The following CCSER1 variants were observed in gnomAD, a reference collection of about 807,000 sequenced individuals.
CCSER1 encodes serine-rich coiled-coil domain-containing protein 1.
A neutral mutation model predicts 82.0 loss-of-function variants in CCSER1; 41 were observed. That is an observed-to-expected ratio of 0.50 (90% CI 0.39 to 0.65). CCSER1 has a LOEUF of 0.65. CCSER1 is among the 30% of genes least tolerant of loss of function. The probability of loss-of-function intolerance (pLI) is 0.00; values close to 1 mark genes in which losing one functional copy is unlikely to be tolerated. For missense variants in CCSER1, 1,119 were observed against 1,064.2 expected, an observed-to-expected ratio of 1.05 and a Z score of -0.72; for synonymous variants, 414 against 383.9, an observed-to-expected ratio of 1.08 and a Z score of -0.92.
chr4:91,281,639 GTCT>G (rs1259525170), intron 10 of CCSER1, among the ~76,000 whole-genome samples: 16 of 152,254 alleles, frequency 1.1e-4, no homozygotes, highest in African/African-American at 2.6e-4. Context: ...TAAAGCCAAG[GTCT>G]TCTTCAGCAG....
chr4:91,169,604 G>A (rs1306968798), intron 10 of CCSER1, among the ~76,000 whole-genome samples: 1 of 152,108 alleles, frequency 6.6e-6, no homozygotes, highest in Admixed American at 6.6e-5. Context: ...CTGGGGAATA[G>A]AATGAGTCTC....
intron 6 of CCSER1, among the ~76,000 whole-genome samples, chr4:90,686,819 C>T (rs1734889811): frequency 6.6e-6 from 1 of 152,144 alleles, no homozygotes; most frequent in Non-Finnish European, 1.5e-5. Flanking sequence ...GCTTTATCTC[C>T]TCTCCTCTGC....
intron 10 of CCSER1, among the ~76,000 whole-genome samples, chr4:91,239,105 G>A (rs909482887): frequency 7.3e-5 from 11 of 150,824 alleles, no homozygotes; most frequent in African/African-American, 1.2e-4. Flanking sequence ...TATTACAAGC[G>A]TGAGCCACTG....
At position 91,231,934 on chromosome 4, in the gene CCSER1, G is replaced by A. The variant is rs192169201; in HGVS notation, c.2217+145940G>A. Among the ~76,000 whole-genome samples, 366 of 151,812 alleles carry A rather than the reference G, an allele frequency of 2.4e-3. 3 individuals carry two copies. Among genetic ancestry groups the A allele is most frequent in the African/African-American group, 8.3e-3 (344 of 41,490 alleles). On this transcript the variant is annotated intron_variant, in intron 10 of 10. Transcript: ENST00000509176. ...TAAATAAATGCATCCTAAGTTGAGG[G>A]ACTGTTGAATTTAGAGCAAAAACAT...
chr4:90,731,779 C>G (rs1207755016), intron 7 of CCSER1, among the ~76,000 whole-genome samples: 1 of 152,114 alleles, frequency 6.6e-6, no homozygotes, highest in East Asian at 1.9e-4. Context: ...TAGTTTCACT[C>G]ATATAATTCC....
At chr4:90,901,932 G>A (rs1724719180) in intron 8 of CCSER1, among the ~76,000 whole-genome samples, 1 of 151,880 alleles carries the variant, frequency 6.6e-6, no homozygotes, top group African/African-American at 2.4e-5. Flanking sequence ...ATATGTCATA[G>A]GTTTGGTTGT....
intron 1 of CCSER1, among the ~76,000 whole-genome samples, chr4:90,197,513 A>C (rs1269505922): frequency 2.6e-5 from 4 of 152,182 alleles, no homozygotes; most frequent in Non-Finnish European, 5.9e-5. Context: ...ACAACAGACA[A>C]GATTTGGAAA....
At chr4:90,809,851 C>T (rs1210361981) in intron 7 of CCSER1, among the ~76,000 whole-genome samples, 1 of 152,028 alleles carries the variant, frequency 6.6e-6, no homozygotes, top group African/African-American at 2.4e-5. Flanking sequence ...TTGATTGAGC[C>T]ATTGCACTCC....
chr4:90,174,222 C>G (rs1420324030), intron 1 of CCSER1, among the ~76,000 whole-genome samples: 2 of 151,670 alleles, frequency 1.3e-5, no homozygotes, highest in Admixed American at 6.6e-5. Flanking sequence ...ATAAATATAA[C>G]AAGAAAAATC....
chr4:90,222,923 CCAAA>C (rs755685151), intron 1 of CCSER1, among the ~76,000 whole-genome samples: 13 of 152,140 alleles, frequency 8.5e-5, no homozygotes, highest in South Asian at 6.2e-4. Flanking sequence ...ACTCAATCCA[CCAAA>C]CAGTTAGATT....
chr4:91,598,961 G>A lies in CCSER1; in HGVS notation c.2607G>A (p.Gly869=). Residue 869 remains glycine (G), a synonymous_variant, in exon 11 of 11, where the codon GGG becomes GGA. Coordinates refer to ENST00000509176, the MANE Select transcript of CCSER1 (RefSeq NM_001145065.2). ...FTGRFGQPPR[G]PISLHMYSRK... ...GCAGGTTTGGACAGCCACCCAGAGG[G>A]CCAATCTCTTTACACATGTACAGCA... is the stretch of plus-strand genomic sequence containing the variant. 2 of 1,551,540 alleles carry A rather than the reference G, an allele frequency of 1.3e-6. No individual in the cohort carries two copies.
At chr4:91,181,347 G>A (rs982038928) in intron 10 of CCSER1, among the ~76,000 whole-genome samples, 1 of 152,168 alleles carries the variant, frequency 6.6e-6, no homozygotes, top group African/African-American at 2.4e-5. Context: ...AGAACTTCCA[G>A]GTGTTTTTAT....
At chr4:91,023,960 A>G (rs1405125640) in intron 9 of CCSER1, among the ~76,000 whole-genome samples, 8 of 152,202 alleles carry the variant, frequency 5.3e-5, no homozygotes, top group Admixed American at 5.2e-4. Flanking sequence ...TTCATTTATT[A>G]TATTTCTGGT....
chr4:90,873,165 C>T (rs1766782713), intron 8 of CCSER1, among the ~76,000 whole-genome samples: 1 of 151,992 alleles, frequency 6.6e-6, no homozygotes. Context: ...AAACTTTCTA[C>T]CCCGATCTCT....
chr4:91,173,364 G>A lies in CCSER1; in HGVS notation c.2217+87370G>A, dbSNP rs181390329. ...AATCCCAGCACTTTGGGAGACCCAG[G>A]TGTGCGGATCACGAGGTCAGGAGAT... On this transcript the variant is annotated intron_variant, in intron 10 of 10. Coordinates refer to ENST00000509176, the MANE Select transcript of CCSER1 (RefSeq NM_001145065.2). 2.1e-3 allele frequency among the ~76,000 whole-genome samples: 319 copies of A among 152,248 alleles called. 3 individuals carry two copies. Among genetic ancestry groups the A allele is most frequent in the African/African-American group, 7.1e-3 (295 of 41,540 alleles).
At chr4:91,158,459 T>C (rs1321629799) in intron 10 of CCSER1, among the ~76,000 whole-genome samples, 1 of 151,974 alleles carries the variant, frequency 6.6e-6, no homozygotes, top group African/African-American at 2.4e-5. Flanking sequence ...TTCCCTCTTT[T>C]GTCATTAAAG....
chr4:90,304,348 C>G (rs530531586), intron 1 of CCSER1, among the ~76,000 whole-genome samples: 11 of 152,120 alleles, frequency 7.2e-5, no homozygotes, highest in Non-Finnish European at 1.6e-4. Context: ...CACATGCACA[C>G]GTATGTTTAT....
intron 8 of CCSER1, chr4:90,838,907 G>C (rs1258863314): frequency 4.3e-6 from 7 of 1,613,286 alleles, no homozygotes; most frequent in East Asian, 2.2e-5. Context: ...GCCTCATTAC[G>C]ATTCGCCTGC....
intron 9 of CCSER1, among the ~76,000 whole-genome samples, chr4:91,077,277 G>C (rs1189051808): frequency 6.6e-6 from 1 of 152,112 alleles, no homozygotes; most frequent in Non-Finnish European, 1.5e-5. Flanking sequence ...AATGTTTAAT[G>C]CAAGCCTCAA....
Sources: gnomAD v4.1 joint callset for allele counts (sites outside exome capture counted in the v4.1 genomes callset) on GRCh38, gnomAD v4.1.1 for gene constraint, MANE v1.5 for transcripts, NCBI Gene and HGNC (gene_info 2026-07-23, HGNC 2026-07-21) for gene names.